XKR4: variants seen among roughly 807,000 people sequenced by gnomAD.
The protein encoded by XKR4 is XK-related protein 4.
Under a neutral mutation model 53.9 loss-of-function variants are expected in XKR4, and 12 were observed. That is an observed-to-expected ratio of 0.22 (90% confidence interval 0.14 to 0.36). The LOEUF is 0.36. XKR4 is among the 10% of genes least tolerant of loss of function. The pLI is 1.00. For synonymous variants in XKR4, 354 were observed against 362.4 expected (o/e 0.98, Z 0.26); for missense variants, 799 against 859.5 (o/e 0.93, Z 0.88).
intron 2 of XKR4, among the ~76,000 whole-genome samples, chr8:55,455,857 G>A (rs902539089): frequency 2.6e-5 from 4 of 152,158 alleles, no homozygotes; most frequent in Non-Finnish European, 5.9e-5. Context: ...TGGGTTCAAG[G>A]TGCTTGAGAA....
At chr8:55,269,812 G>C (rs891305086) in intron 1 of XKR4, among the ~76,000 whole-genome samples, 1 of 152,120 alleles carries the variant, frequency 6.6e-6, no homozygotes, top group Non-Finnish European at 1.5e-5. Flanking sequence ...GGGGAGATTT[G>C]TATCTTTTTT....
chr8:55,499,391 C>T lies in XKR4; in HGVS notation c.1007-23890C>T, dbSNP rs1806403423. 3.3e-5 allele frequency among the ~76,000 whole-genome samples: 5 copies of T among 152,326 alleles called. No individual in the cohort carries two copies. In the South Asian group the frequency reaches 6.2e-4, roughly 19 times the overall value. On this transcript the variant is annotated intron_variant, in intron 2 of 2. Coordinates refer to ENST00000327381, the MANE Select transcript of XKR4 (RefSeq NM_052898.2). ...CCCACTGTTTGAAAATCATTTCCCA[C>T]CTACCATGTGACACACATCAGATAG...
intron 1 of XKR4, among the ~76,000 whole-genome samples, chr8:55,213,862 T>C (rs1189474544): frequency 4.7e-5 from 6 of 128,112 alleles, no homozygotes; most frequent in Non-Finnish European, 8.4e-5. Flanking sequence ...CTTTCTTTTT[T>C]TTTTTTTTTT....
chr8:55,340,023 C>G (rs1803518368), intron 1 of XKR4, among the ~76,000 whole-genome samples: 1 of 152,114 alleles, frequency 6.6e-6, no homozygotes, highest in Non-Finnish European at 1.5e-5. Flanking sequence ...CATAAATGAA[C>G]AGAATGGTTC....
chr8:55,447,824 T>G (rs1399470091), intron 2 of XKR4, among the ~76,000 whole-genome samples: 1 of 152,260 alleles, frequency 6.6e-6, no homozygotes, highest in East Asian at 1.9e-4. Context: ...AGCTGAAGAA[T>G]TAGAAGTCTG....
At chr8:55,477,655 T>C (rs1806019715) in intron 2 of XKR4, among the ~76,000 whole-genome samples, 1 of 151,586 alleles carries the variant, frequency 6.6e-6, no homozygotes, top group Non-Finnish European at 1.5e-5. Flanking sequence ...TTAAAAACGG[T>C]GAAAAAAAAT....
Position 55,109,665 on chromosome 8 carries a change from C to T in XKR4, c.806+6371C>T, listed in dbSNP as rs535907470. ...TAGTGCAAAGATTGTAAATTTTTTC[C>T]ATTCACTTGAACTATGAAGTGTTTA... On this transcript the variant is annotated intron_variant, in intron 1 of 2. Transcript: ENST00000327381. Among the ~76,000 whole-genome samples, 55 of 152,230 alleles carry T rather than the reference C, an allele frequency of 3.6e-4. No individual in the cohort carries two copies. The South Asian group carries it at 9.1e-3, about 25-fold the overall frequency.
In XKR4 at chr8:55,495,989, C is replaced by A. The variant is rs1033102078; in HGVS notation, c.1007-27292C>A. Among the ~76,000 whole-genome samples the A allele has an allele frequency of 1.2e-4, 19 of 152,308 alleles. No individual in the cohort carries two copies. The East Asian group carries it at 3.7e-3, about 29-fold the overall frequency. On this transcript the variant is annotated intron_variant, in intron 2 of 2. Coordinates refer to ENST00000327381, the MANE Select transcript of XKR4 (RefSeq NM_052898.2). ...ATTGCCTCAAGCATAACATCAAGGTCAAATTAACTTGAGACTATGAAGTCA... is the reference window on the plus strand; with the variant it reads ...ATTGCCTCAAGCATAACATCAAGGTAAAATTAACTTGAGACTATGAAGTCA...
chr8:55,460,523 A>G (rs977574078), intron 2 of XKR4, among the ~76,000 whole-genome samples: 6 of 152,252 alleles, frequency 3.9e-5, no homozygotes, highest in African/African-American at 1.4e-4. Context: ...GCTGAATAGG[A>G]ACAGCTTCAG....
intron 1 of XKR4, among the ~76,000 whole-genome samples, chr8:55,173,401 A>G (rs1817188917): frequency 6.6e-6 from 1 of 152,130 alleles, no homozygotes; most frequent in African/African-American, 2.4e-5. Flanking sequence ...TGCAACATCA[A>G]TACAAAAATA....
At chr8:55,224,053 C>T (rs1431510632) in intron 1 of XKR4, among the ~76,000 whole-genome samples, 1 of 152,192 alleles carries the variant, frequency 6.6e-6, no homozygotes, top group Non-Finnish European at 1.5e-5. Flanking sequence ...ATGGAAAGAA[C>T]ATTGCATAAC....
intron 1 of XKR4, among the ~76,000 whole-genome samples, chr8:55,223,677 C>G (rs947746336): frequency 6.6e-6 from 1 of 152,118 alleles, no homozygotes; most frequent in Non-Finnish European, 1.5e-5. Flanking sequence ...CCTTAAACAA[C>G]TGCTTGAGTT....
intron 1 of XKR4, among the ~76,000 whole-genome samples, chr8:55,236,208 C>T (rs1818120047): frequency 6.6e-6 from 1 of 152,140 alleles, no homozygotes; most frequent in Non-Finnish European, 1.5e-5. Flanking sequence ...AAGCCCAGAT[C>T]CTGGCAAAAC....
chr8:55,454,391 G>A (rs1281960919), intron 2 of XKR4: 2 of 1,433,872 alleles, frequency 1.4e-6, no homozygotes, highest in East Asian at 2.3e-5. Flanking sequence ...GTATCTGAGA[G>A]GAAACAGCAA....
intron 1 of XKR4, among the ~76,000 whole-genome samples, chr8:55,316,884 A>G (rs752115521): frequency 6.6e-6 from 1 of 152,248 alleles, no homozygotes; most frequent in Admixed American, 6.5e-5. Flanking sequence ...TGCAAATTCA[A>G]TATTAAATGC....
intron 1 of XKR4, among the ~76,000 whole-genome samples, chr8:55,205,844 C>T (rs867136050): frequency 8.5e-5 from 13 of 152,062 alleles, no homozygotes; most frequent in Non-Finnish European, 1.2e-4. Flanking sequence ...AGAATGAAGT[C>T]GCGGACCCTC....
At chr8:55,290,598 G>T (rs564704393) in intron 1 of XKR4, among the ~76,000 whole-genome samples, 1 of 151,968 alleles carries the variant, frequency 6.6e-6, no homozygotes, top group Non-Finnish European at 1.5e-5. Context: ...CCCCCAACAG[G>T]CCCCAGTGTG....
intron 2 of XKR4, among the ~76,000 whole-genome samples, chr8:55,423,748 G>A (rs1013568069): frequency 1.3e-5 from 2 of 152,196 alleles, no homozygotes; most frequent in Non-Finnish European, 1.5e-5. Context: ...TCAGTGCTTG[G>A]CACATAGGAA....
At chr8:55,109,527 C>T (rs1585882792) in intron 1 of XKR4, among the ~76,000 whole-genome samples, 1 of 152,100 alleles carries the variant, frequency 6.6e-6, no homozygotes, top group Non-Finnish European at 1.5e-5. Context: ...AGGTATAAAT[C>T]CACACACAAT....
Sources: gnomAD v4.1 joint callset for allele counts (sites outside exome capture counted in the v4.1 genomes callset) on GRCh38, gnomAD v4.1.1 for gene constraint, MANE v1.5 for transcripts, NCBI Gene and HGNC (gene_info 2026-07-23, HGNC 2026-07-21) for gene names.